The following ERC2 variants were observed in gnomAD, a reference collection of about 807,000 sequenced individuals.
ERC2 encodes ERC protein 2.
In ERC2, 42 loss-of-function variants were observed where a neutral mutation model predicts 114.8. The observed-to-expected ratio is 0.37, with a 90% CI of 0.29 to 0.47. ERC2 has a LOEUF of 0.47. ERC2 is among the 20% of genes least tolerant of loss of function. ERC2 has a pLI of 0.99. For missense variants in ERC2, 939 were observed against 1,150.7 expected (o/e 0.82, Z 2.66); for synonymous variants, 454 against 425.5 (o/e 1.07, Z -0.82).
intron 17 of ERC2, among the ~76,000 whole-genome samples, chr3:55,676,829 T>C (rs77560199): frequency 0.011 from 1,669 of 152,252 alleles, 64 homozygotes; most frequent in East Asian, 0.095. Context: ...AAGGATGTAA[T>C]GTAATGTAAC....
chr3:55,986,577 C>A (rs1027181832), intron 11 of ERC2, among the ~76,000 whole-genome samples: 4 of 152,100 alleles, frequency 2.6e-5, no homozygotes, highest in Non-Finnish European at 2.9e-5. Flanking sequence ...TGATCAAAGA[C>A]CCCCTGAGGA....
intron 17 of ERC2, among the ~76,000 whole-genome samples, chr3:55,584,732 G>A (rs1242464994): frequency 1.3e-5 from 2 of 152,182 alleles, no homozygotes. Context: ...GGGAGAGAAA[G>A]ATGTGTGTGG....
chr3:55,541,524 T>G (rs1339301649), intron 17 of ERC2, among the ~76,000 whole-genome samples: 1 of 152,246 alleles, frequency 6.6e-6, no homozygotes, highest in African/African-American at 2.4e-5. Context: ...ATGCTAGGAA[T>G]GGTCATTCCC....
Position 56,081,212 on chromosome 3 carries a change from CT to C in ERC2, c.1474-229del, listed in dbSNP as rs2077214568. Among the ~76,000 whole-genome samples, 9 of 152,094 alleles carry C rather than the reference CT, an allele frequency of 5.9e-5. No homozygotes were observed. In the South Asian group the frequency reaches 1.9e-3, roughly 32 times the overall value. On this transcript the variant is annotated intron_variant, in intron 6 of 17. Transcript: ENST00000288221. ...ATACTTTAAAAAAAAAATAAGACTT[CT>C]TTGAAATAAGACATTATGAAATAGT...
rs2048515886 is a variant in ERC2, at chr3:56,203,375, A to AG, written c.1075-29856dup. Among the ~76,000 whole-genome samples the AG allele has an allele frequency of 3.3e-5, 5 of 152,216 alleles. No individual in the cohort carries two copies. The East Asian group carries it at 9.6e-4, about 29-fold the overall frequency. ...TGTAGTTCGTGACCTTTGGCTTAAA[A>AG]GGGGTACAATTAGGTCTTACTCATG... On this transcript the variant is annotated intron_variant, in intron 3 of 17. Transcript: ENST00000288221.
At chr3:55,632,245 A>T (rs1389777615) in intron 17 of ERC2, among the ~76,000 whole-genome samples, 1 of 152,244 alleles carries the variant, frequency 6.6e-6, no homozygotes, top group Non-Finnish European at 1.5e-5. Flanking sequence ...ACCAACCTGC[A>T]GAGCTGCCAA....
intron 13 of ERC2, among the ~76,000 whole-genome samples, chr3:55,892,893 G>A (rs753899866): frequency 5.9e-5 from 9 of 151,942 alleles, no homozygotes; most frequent in South Asian, 2.1e-4. Context: ...CAATGTTTAC[G>A]TACCCCCACA....
At chr3:55,636,874 G>T (rs941599734) in intron 17 of ERC2, among the ~76,000 whole-genome samples, 2 of 152,200 alleles carry the variant, frequency 1.3e-5, no homozygotes, top group African/African-American at 4.8e-5. Context: ...TAAGTGCTCA[G>T]TCATGACTTA....
intron 17 of ERC2, among the ~76,000 whole-genome samples, chr3:55,598,690 T>G (rs2058262056): frequency 6.6e-6 from 1 of 152,260 alleles, no homozygotes; most frequent in African/African-American, 2.4e-5. Context: ...AATCCATTCC[T>G]CCCTGTTACA....
chr3:56,169,456 T>G (rs992282144), intron 4 of ERC2, among the ~76,000 whole-genome samples: 6 of 152,214 alleles, frequency 3.9e-5, no homozygotes, highest in Non-Finnish European at 7.3e-5. Context: ...TTTTACATTT[T>G]TTAAAAAACA....
At chr3:56,121,099 A>G (rs897684702) in intron 6 of ERC2, among the ~76,000 whole-genome samples, 21 of 152,278 alleles carry the variant, frequency 1.4e-4, no homozygotes, top group African/African-American at 5.1e-4. Context: ...TGGAATATTT[A>G]CTTTACCTCT....
At chr3:55,665,852 T>C (rs12106889) in intron 17 of ERC2, among the ~76,000 whole-genome samples, 97,531 of 152,020 alleles carry the variant, frequency 0.64, 31,386 homozygotes, top group Admixed American at 0.67. Flanking sequence ...TGGACTCTGC[T>C]AGGTAGGCAC....
intron 17 of ERC2, among the ~76,000 whole-genome samples, chr3:55,680,480 T>A (rs1431841457): frequency 6.6e-6 from 1 of 152,244 alleles, no homozygotes; most frequent in Non-Finnish European, 1.5e-5. Flanking sequence ...GAAGAAGTAT[T>A]TGCTGACACA....
chr3:56,050,555 T>A (rs1162184425), intron 7 of ERC2, among the ~76,000 whole-genome samples: 1 of 152,108 alleles, frequency 6.6e-6, no homozygotes, highest in Non-Finnish European at 1.5e-5. Flanking sequence ...CACACTGAAG[T>A]CCTTGAACTG....
chr3:56,193,460 T>C, intron 3 of ERC2, among the ~76,000 whole-genome samples: 1 of 151,122 alleles, frequency 6.6e-6, no homozygotes. Flanking sequence ...TGAGCCAAGA[T>C]CATGCCACCA....
chr3:56,128,611 G>A (rs1394498753), intron 6 of ERC2, among the ~76,000 whole-genome samples: 2 of 152,160 alleles, frequency 1.3e-5, no homozygotes, highest in Non-Finnish European at 2.9e-5. Flanking sequence ...ATGAGAATGA[G>A]GTTGAAAAGT....
chr3:55,709,120 A>G (rs1226264683), intron 15 of ERC2, among the ~76,000 whole-genome samples: 1 of 152,206 alleles, frequency 6.6e-6, no homozygotes, highest in Non-Finnish European at 1.5e-5. Context: ...GCCTCGGGGT[A>G]TCGCCTAACA....
intron 15 of ERC2, among the ~76,000 whole-genome samples, chr3:55,710,641 T>C (rs1237240248): frequency 1.3e-5 from 2 of 152,260 alleles, no homozygotes; most frequent in Non-Finnish European, 2.9e-5. Context: ...TGTCCAAATG[T>C]ATTTAAACTT....
intron 11 of ERC2, among the ~76,000 whole-genome samples, chr3:55,986,730 T>C (rs2070671137): frequency 6.6e-6 from 1 of 151,810 alleles, no homozygotes; most frequent in African/African-American, 2.4e-5. Context: ...TACTTTTTAA[T>C]TTGTTTGTAT....
Sources: allele counts gnomAD v4.1 joint callset (sites outside exome capture counted in the v4.1 genomes callset), GRCh38; gene constraint gnomAD v4.1.1; transcripts MANE v1.5; gene names NCBI Gene and HGNC (gene_info 2026-07-23, HGNC 2026-07-21).